The following AGPAT5 variants were observed in gnomAD, a reference collection of about 807,000 sequenced individuals.
The protein encoded by AGPAT5 is 1-acyl-sn-glycerol-3-phosphate acyltransferase epsilon.
AGPAT5 carries 46 observed loss-of-function variants against 45.6 expected under a neutral mutation model. The ratio of observed to expected loss-of-function variants is 1.01; its 90% CI spans 0.80 to 1.29. The LOEUF (loss-of-function observed/expected upper bound fraction) is 1.29. Among genes scored for constraint, AGPAT5 ranks in the 50% most tolerant of loss-of-function variants. AGPAT5 has a pLI of 0.00. For synonymous variants in AGPAT5, 272 were observed against 167.0 expected (o/e 1.63, Z -4.85); for missense variants, 673 against 450.7 (o/e 1.49, Z -4.47).
intron 1 of AGPAT5, among the ~76,000 whole-genome samples, chr8:6,712,099 T>G (rs1245544937): frequency 2.0e-5 from 3 of 152,218 alleles, no homozygotes; most frequent in Non-Finnish European, 4.4e-5. Context: ...TTTCGTAGTT[T>G]AACTTGCCTT....
At chr8:6,748,901 T>G (rs1801564923) in intron 6 of AGPAT5, among the ~76,000 whole-genome samples, 1 of 152,196 alleles carries the variant, frequency 6.6e-6, no homozygotes, top group South Asian at 2.1e-4. Flanking sequence ...ATGGAAACCC[T>G]CACCTGAAGC....
intron 1 of AGPAT5, among the ~76,000 whole-genome samples, chr8:6,719,316 A>AG (rs962095433): frequency 1.3e-5 from 2 of 152,218 alleles, no homozygotes; most frequent in Non-Finnish European, 2.9e-5. Flanking sequence ...GGCAAAGAAA[A>AG]GGCAAATAAA....
chr8:6,725,242 A>G (rs1382188451), intron 2 of AGPAT5, among the ~76,000 whole-genome samples: 3 of 152,124 alleles, frequency 2.0e-5, no homozygotes, highest in African/African-American at 7.2e-5. Flanking sequence ...TTTGTAAGTG[A>G]TGTTTCTAGA....
intron 5 of AGPAT5, among the ~76,000 whole-genome samples, chr8:6,746,996 G>T (rs1038897753): frequency 6.6e-6 from 1 of 152,186 alleles, no homozygotes; most frequent in East Asian, 1.9e-4. Flanking sequence ...AAATATGTCA[G>T]ATATACCCAA....
In AGPAT5 at chr8:6,708,668, G is replaced by C; in HGVS notation, c.-1G>C. The C allele has an allele frequency of 6.4e-7, 1 of 1,571,960 alleles. No homozygotes were observed. Among genetic ancestry groups the C allele is most frequent in the Non-Finnish European group, 8.6e-7 (1 of 1,166,062 alleles). On this transcript the variant is annotated 5_prime_UTR_variant, in exon 1 of 8. Coordinates refer to ENST00000285518, the MANE Select transcript of AGPAT5 (RefSeq NM_018361.5). ...GAGCTCGCTGCCGCCGAGCTGAGAA[G>C]ATGCTGCTGTCCCTGGTGCTCCACA...
chr8:6,722,520 G>A (rs781461673), intron 1 of AGPAT5, among the ~76,000 whole-genome samples: 1 of 152,166 alleles, frequency 6.6e-6, no homozygotes, highest in Non-Finnish European at 1.5e-5. Flanking sequence ...CTGTGACATT[G>A]TGTTATGGAG....
intron 1 of AGPAT5, among the ~76,000 whole-genome samples, chr8:6,714,513 G>T (rs1231071414): frequency 1.3e-5 from 2 of 152,160 alleles, no homozygotes; most frequent in African/African-American, 4.8e-5. Context: ...ATTTCAGGTT[G>T]CATTTGTGTA....
chr8:6,731,041 C>T (rs570180347), intron 3 of AGPAT5, among the ~76,000 whole-genome samples: 75 of 151,774 alleles, frequency 4.9e-4, no homozygotes, highest in African/African-American at 1.7e-3. Context: ...GCTAAATTTT[C>T]TATTTTTTGT....
At chr8:6,720,550 C>G (rs1264415739) in intron 1 of AGPAT5, among the ~76,000 whole-genome samples, 1 of 152,102 alleles carries the variant, frequency 6.6e-6, no homozygotes, top group Non-Finnish European at 1.5e-5. Context: ...TTGGCCAGAA[C>G]CCACAGGAAG....
At chr8:6,755,274 G>C in intron 7 of AGPAT5, 100 bp downstream of exon 7, 1 of 1,252,846 alleles carries the variant, frequency 8.0e-7, no homozygotes, top group East Asian at 2.7e-5. Context: ...ATTGTCTCAA[G>C]AATACATTTT....
chr8:6,753,423 C>T (rs575019848), intron 6 of AGPAT5, among the ~76,000 whole-genome samples: 21 of 152,220 alleles, frequency 1.4e-4, no homozygotes, highest in Middle Eastern at 3.4e-3. Flanking sequence ...AAATTGGTGT[C>T]GGAATCTGTC....
At position 6,722,931 on chromosome 8, in the gene AGPAT5, A is replaced by G. The variant is rs372515366; in HGVS notation, c.220-1939A>G. Among the ~76,000 whole-genome samples, 8 of 152,338 alleles carry G rather than the reference A, an allele frequency of 5.3e-5. 1 individual carries two copies. Among genetic ancestry groups the G allele is most frequent in the African/African-American group, 9.6e-5 (4 of 41,578 alleles). On this transcript the variant is annotated intron_variant, in intron 1 of 7. Coordinates refer to ENST00000285518, the MANE Select transcript of AGPAT5 (RefSeq NM_018361.5). The stretch of plus-strand genomic sequence containing the variant: ...ATAATGAACTTAAAATTACTTAAAG[A>G]GTTATGAAAAACAAAAAGAAAAGCC...
intron 1 of AGPAT5, among the ~76,000 whole-genome samples, chr8:6,722,168 A>G (rs1800524362): frequency 1.3e-5 from 2 of 152,290 alleles, no homozygotes; most frequent in East Asian, 1.9e-4. Flanking sequence ...CTGGTCTCCT[A>G]ATAAGGGACA....
In AGPAT5 at chr8:6,760,072, A is replaced by G. The variant is rs1311659985; in HGVS notation, c.*2684A>G. ...TAGAGTGGCAACAATTTTGCTTAATATGGGTTACATAAGCTTTATTTTTTC... is the reference window on the plus strand; with the variant it reads ...TAGAGTGGCAACAATTTTGCTTAATGTGGGTTACATAAGCTTTATTTTTTC... On this transcript the variant is annotated 3_prime_UTR_variant, in exon 8 of 8. Transcript: ENST00000285518. 6.6e-6 allele frequency among the ~76,000 whole-genome samples: 1 copy of G among 152,178 alleles called. No individual in the cohort carries two copies. The highest frequency in any genetic ancestry group is 1.9e-4 in the East Asian group (1 of 5,202).
At chr8:6,743,339 C>T (rs1431205632) in intron 5 of AGPAT5, among the ~76,000 whole-genome samples, 3 of 152,200 alleles carry the variant, frequency 2.0e-5, no homozygotes, top group African/African-American at 7.2e-5. Flanking sequence ...TGTCTCTCTG[C>T]CTAACTCTGG....
intron 7 of AGPAT5, among the ~76,000 whole-genome samples, chr8:6,755,951 C>A (rs186549192): frequency 3.9e-4 from 59 of 152,240 alleles, no homozygotes; most frequent in African/African-American, 1.0e-3. Context: ...AAAGTAAGAT[C>A]TACATGTATT....
At chr8:6,736,315 A>G (rs1420551928) in intron 4 of AGPAT5, among the ~76,000 whole-genome samples, 1 of 152,260 alleles carries the variant, frequency 6.6e-6, no homozygotes, top group East Asian at 1.9e-4. Flanking sequence ...GTTCTAAAAT[A>G]CAATCCAGAA....
intron 1 of AGPAT5, among the ~76,000 whole-genome samples, chr8:6,723,977 C>T (rs567622082): frequency 1.3e-5 from 2 of 152,184 alleles, no homozygotes; most frequent in Admixed American, 6.5e-5. Flanking sequence ...AACAAAAATG[C>T]CCAGAATAAA....
chr8:6,756,609 CAAAAAAA>C (rs11300826), intron 7 of AGPAT5, among the ~76,000 whole-genome samples: 6 of 122,922 alleles, frequency 4.9e-5, no homozygotes, highest in African/African-American at 9.0e-5. Flanking sequence ...TGCCTTTTTT[CAAAAAAA>C]AAAAAAAAAA....
Sources: allele counts gnomAD v4.1 joint callset (sites outside exome capture counted in the v4.1 genomes callset), GRCh38; gene constraint gnomAD v4.1.1; transcripts MANE v1.5; gene names NCBI Gene and HGNC (gene_info 2026-07-23, HGNC 2026-07-21).